The following LINGO2 variants were observed in gnomAD, a reference collection of about 807,000 sequenced individuals.
LINGO2 encodes the protein leucine-rich repeat and immunoglobulin-like domain-containing nogo receptor-interacting protein 2.
LINGO2 carries 14 observed loss-of-function variants against 30.6 expected under a neutral mutation model. That is an observed-to-expected ratio of 0.46 (90% confidence interval 0.30 to 0.72). The LOEUF (loss-of-function observed/expected upper bound fraction) is 0.72, where lower values mean the gene tolerates loss of function less well. Among genes scored for constraint, LINGO2 ranks in the 30% least tolerant of loss-of-function variants. The pLI is 0.07. For missense variants in LINGO2, 729 were observed against 751.7 expected, an observed-to-expected ratio of 0.97 and a Z score of 0.35; for synonymous variants, 317 against 288.5, an observed-to-expected ratio of 1.10 and a Z score of -1.00.
chr9:28,691,633 A>G, the LINGO2 span, among the ~76,000 whole-genome samples: 1 of 152,198 alleles, frequency 6.6e-6, no homozygotes, highest in Non-Finnish European at 1.5e-5. Context: ...AAAATTTAAA[A>G]GAATATCCAT....
At chr9:27,973,868 C>G (rs1193021194) in intron 5 of LINGO2, among the ~76,000 whole-genome samples, 1 of 152,146 alleles carries the variant, frequency 6.6e-6, no homozygotes, top group Non-Finnish European at 1.5e-5. Context: ...AAAGTGGCAG[C>G]TCTGTGTGTG....
At chr9:29,179,141 T>C in the LINGO2 span, among the ~76,000 whole-genome samples, 3 of 137,822 alleles carry the variant, frequency 2.2e-5, no homozygotes, top group Admixed American at 7.5e-5. Flanking sequence ...CGTGATAAAA[T>C]GTTCCTTCTT....
chr9:29,048,264 A>G, the LINGO2 span, among the ~76,000 whole-genome samples: 1 of 152,036 alleles, frequency 6.6e-6, no homozygotes, highest in African/African-American at 2.4e-5. Context: ...CAAAAAAGTG[A>G]AAGATCTCTA....
chr9:29,182,550 A>G, the LINGO2 span, among the ~76,000 whole-genome samples: 1 of 152,198 alleles, frequency 6.6e-6, no homozygotes, highest in Middle Eastern at 3.2e-3. Flanking sequence ...CTCTCTTAAC[A>G]GGGAAAAATG....
the LINGO2 span, among the ~76,000 whole-genome samples, chr9:29,077,592 T>A: frequency 1.0e-5 from 1 of 98,096 alleles, no homozygotes; most frequent in African/African-American, 4.2e-5. Flanking sequence ...CAAAGCAAAA[T>A]TGAACAACAT....
chr9:27,984,371 G>T (rs983656932), intron 5 of LINGO2, among the ~76,000 whole-genome samples: 1 of 151,866 alleles, frequency 6.6e-6, no homozygotes, highest in African/African-American at 2.4e-5. Flanking sequence ...GCAGTGAGCT[G>T]TGTAGCTCAA....
At chr9:28,030,193 G>A (rs1427648331) in intron 4 of LINGO2, among the ~76,000 whole-genome samples, 1 of 152,180 alleles carries the variant, frequency 6.6e-6, no homozygotes, top group African/African-American at 2.4e-5. Flanking sequence ...AATAGAATGT[G>A]AGAACTCAGG....
At chr9:28,094,770 G>A (rs1393705379) in intron 4 of LINGO2, among the ~76,000 whole-genome samples, 1 of 151,718 alleles carries the variant, frequency 6.6e-6, no homozygotes, top group Admixed American at 6.6e-5. Context: ...TGAAAAGTAG[G>A]ACTCCTCTGT....
intron 2 of LINGO2, among the ~76,000 whole-genome samples, chr9:28,473,620 C>T (rs945237934): frequency 5.9e-5 from 9 of 152,042 alleles, no homozygotes; most frequent in African/African-American, 1.9e-4. Flanking sequence ...GATGTAGAGG[C>T]ACTGATTGAA....
the LINGO2 span, among the ~76,000 whole-genome samples, chr9:29,169,949 C>T: frequency 3.3e-5 from 5 of 151,176 alleles, no homozygotes; most frequent in Non-Finnish European, 5.9e-5. Flanking sequence ...GAGCCAAGCT[C>T]GCGCCATTGC....
At chr9:28,169,008 A>G (rs1023083550) in intron 4 of LINGO2, among the ~76,000 whole-genome samples, 1 of 152,204 alleles carries the variant, frequency 6.6e-6, no homozygotes, top group African/African-American at 2.4e-5. Context: ...TCTTATTTAC[A>G]AATGAGCCAA....
At chr9:28,911,464 C>A in the LINGO2 span, among the ~76,000 whole-genome samples, 1 of 151,944 alleles carries the variant, frequency 6.6e-6, no homozygotes, top group Non-Finnish European at 1.5e-5. Context: ...TGATCAACAT[C>A]CATTTTTTTC....
chr9:28,646,174 C>T (rs1177352517), intron 1 of LINGO2, among the ~76,000 whole-genome samples: 1 of 151,984 alleles, frequency 6.6e-6, no homozygotes, highest in Non-Finnish European at 1.5e-5. Context: ...GGGAAGTGCT[C>T]TAGCATCACA....
At chr9:28,125,576 T>A (rs577996830) in intron 4 of LINGO2, among the ~76,000 whole-genome samples, 1 of 152,130 alleles carries the variant, frequency 6.6e-6, no homozygotes, top group Non-Finnish European at 1.5e-5. Flanking sequence ...TATGAACATA[T>A]GCTGTTGACT....
At chr9:28,975,662 C>T in the LINGO2 span, among the ~76,000 whole-genome samples, 1 of 152,112 alleles carries the variant, frequency 6.6e-6, no homozygotes, top group African/African-American at 2.4e-5. Context: ...TCTATTACTC[C>T]TTGGCTCTAA....
chr9:28,216,380 G>C (rs1211833370), intron 4 of LINGO2, among the ~76,000 whole-genome samples: 1 of 151,846 alleles, frequency 6.6e-6, no homozygotes, highest in African/African-American at 2.4e-5. Context: ...ATTCTGGGAG[G>C]AGTGGTTGTT....
chr9:29,127,217 T>C, the LINGO2 span, among the ~76,000 whole-genome samples: 886 of 152,248 alleles, frequency 5.8e-3, 8 homozygotes, highest in African/African-American at 0.021. Flanking sequence ...CTCTGTGGCA[T>C]GTACTCTGAA....
At chr9:28,146,775 C>A (rs1290166618) in intron 4 of LINGO2, among the ~76,000 whole-genome samples, 1 of 152,178 alleles carries the variant, frequency 6.6e-6, no homozygotes, top group Non-Finnish European at 1.5e-5. Flanking sequence ...CTGTCATGCT[C>A]ACAATGACCA....
the LINGO2 span, among the ~76,000 whole-genome samples, chr9:28,711,354 G>T: frequency 6.6e-6 from 1 of 151,946 alleles, no homozygotes; most frequent in African/African-American, 2.4e-5. Flanking sequence ...TTCCTCATCT[G>T]TAAAATAGTG....
Sources: allele counts gnomAD v4.1 joint callset (sites outside exome capture counted in the v4.1 genomes callset), GRCh38; gene constraint gnomAD v4.1.1; transcripts MANE v1.5; gene names NCBI Gene and HGNC (gene_info 2026-07-23, HGNC 2026-07-21).